Variants in XKR9 observed in about 807,000 individuals in gnomAD.
The protein encoded by XKR9 is XK related 9, also known as XK-related protein 9.
A neutral mutation model predicts 32.0 loss-of-function variants in XKR9; 32 were observed. That is an observed-to-expected ratio of 1.00 (90% CI 0.76 to 1.34). XKR9 has a LOEUF of 1.34. XKR9 is among the 40% of genes most tolerant of loss of function. The pLI, the probability that XKR9 is intolerant of heterozygous loss-of-function variation, is 0.00. For synonymous variants in XKR9, 168 were observed against 143.4 expected (o/e 1.17, Z -1.22); for missense variants, 546 against 429.7 (o/e 1.27, Z -2.39).
the XKR9 span, among the ~76,000 whole-genome samples, chr8:70,809,270 A>G: frequency 6.6e-6 from 1 of 152,244 alleles, no homozygotes; most frequent in Non-Finnish European, 1.5e-5. Context: ...AACAGAAAGG[A>G]CATCCACACC....
chr8:70,748,566 G>C (rs1212561046), intron 2 of XKR9, among the ~76,000 whole-genome samples: 2 of 152,238 alleles, frequency 1.3e-5, no homozygotes, highest in East Asian at 1.9e-4. Context: ...GGTGGGGGCT[G>C]AGGGTGGCTC....
At chr8:71,020,750 A>G in the XKR9 span, among the ~76,000 whole-genome samples, 1 of 152,188 alleles carries the variant, frequency 6.6e-6, no homozygotes. Context: ...TACCATTCCA[A>G]TGTGTTGAGA....
intron 2 of XKR9, among the ~76,000 whole-genome samples, chr8:70,751,996 C>A (rs575440799): frequency 1.3e-5 from 2 of 152,096 alleles, no homozygotes; most frequent in African/African-American, 4.8e-5. Context: ...TGTGGAGAAC[C>A]CTGACTAATA....
the XKR9 span, among the ~76,000 whole-genome samples, chr8:71,062,555 G>A: frequency 6.6e-6 from 1 of 152,106 alleles, no homozygotes; most frequent in Admixed American, 6.5e-5. Flanking sequence ...CAAACATTCA[G>A]TCCCTAGCAC....
At chr8:70,926,902 A>G in the XKR9 span, among the ~76,000 whole-genome samples, 1 of 152,094 alleles carries the variant, frequency 6.6e-6, no homozygotes, top group Non-Finnish European at 1.5e-5. Flanking sequence ...AGTTATATGA[A>G]CTTTCAAGAC....
intron 2 of XKR9, among the ~76,000 whole-genome samples, chr8:70,788,220 A>G (rs1268172947): frequency 6.6e-6 from 1 of 152,038 alleles, no homozygotes; most frequent in African/African-American, 2.4e-5. Context: ...AGTTCTGAGA[A>G]TGGGGTTAGT....
At chr8:71,028,926 C>G in the XKR9 span, among the ~76,000 whole-genome samples, 6 of 77,988 alleles carry the variant, frequency 7.7e-5, 1 homozygote, top group Middle Eastern at 0.018. Flanking sequence ...GAGAGAGAGA[C>G]AGAGAAATTT....
At chr8:71,042,644 G>T in the XKR9 span, among the ~76,000 whole-genome samples, 3 of 151,906 alleles carry the variant, frequency 2.0e-5, no homozygotes, top group African/African-American at 7.3e-5. Flanking sequence ...ACAGAAAAAT[G>T]TTTAGTATAT....
chr8:70,921,637 C>A, the XKR9 span, among the ~76,000 whole-genome samples: 1 of 152,022 alleles, frequency 6.6e-6, no homozygotes. Flanking sequence ...AAGGAAGAAC[C>A]AAAAATTCCT....
At chr8:70,740,429 C>T (rs1304002207), downstream of XKR9, among the ~76,000 whole-genome samples, 35 of 151,412 alleles carry the variant, frequency 2.3e-4, no homozygotes, top group African/African-American at 4.3e-4. Flanking sequence ...TCCTGTAGCT[C>T]GGAGTAGTTT....
chr8:71,030,794 A>G, the XKR9 span, among the ~76,000 whole-genome samples: 1 of 152,188 alleles, frequency 6.6e-6, no homozygotes, highest in African/African-American at 2.4e-5. Context: ...AAACTCATTG[A>G]AACCTCATTA....
the XKR9 span, among the ~76,000 whole-genome samples, chr8:70,815,785 A>G: frequency 6.6e-6 from 1 of 151,972 alleles, no homozygotes; most frequent in Non-Finnish European, 1.5e-5. Flanking sequence ...TCAGCCTCCC[A>G]CAGTGCTGGG....
At chr8:70,888,983 G>C in the XKR9 span, among the ~76,000 whole-genome samples, 1 of 151,786 alleles carries the variant, frequency 6.6e-6, no homozygotes, top group Non-Finnish European at 1.5e-5. Flanking sequence ...CAATTTCTAC[G>C]AATAATGTTA....
chr8:70,898,137 C>T, the XKR9 span, among the ~76,000 whole-genome samples: 4 of 152,070 alleles, frequency 2.6e-5, no homozygotes, highest in Admixed American at 1.3e-4. Flanking sequence ...TATGGATATC[C>T]AGTTTTCCCA....
At chr8:70,845,657 C>T in the XKR9 span, among the ~76,000 whole-genome samples, 1 of 151,942 alleles carries the variant, frequency 6.6e-6, no homozygotes, top group East Asian at 1.9e-4. Context: ...AAAAGTCATT[C>T]AAGAGCTTCA....
chr8:70,709,564 T>C (rs1249797249), intron 4 of XKR9, among the ~76,000 whole-genome samples: 1 of 152,162 alleles, frequency 6.6e-6, no homozygotes, highest in African/African-American at 2.4e-5. Flanking sequence ...CCATGGTCTC[T>C]ACCCAAAGGC....
chr8:70,883,775 A>G, the XKR9 span, among the ~76,000 whole-genome samples: 4 of 152,220 alleles, frequency 2.6e-5, no homozygotes, highest in African/African-American at 9.6e-5. Flanking sequence ...TTGTTTTTCC[A>G]TTCACCTGTT....
intron 4 of XKR9, among the ~76,000 whole-genome samples, chr8:70,723,289 C>T (rs1442553986): frequency 1.3e-5 from 2 of 152,158 alleles, no homozygotes; most frequent in East Asian, 3.9e-4. Context: ...CCTTCTGAAG[C>T]CTACTTCTGT....
chr8:70,703,481 G>A (rs268653), intron 3 of XKR9, among the ~76,000 whole-genome samples: 49,526 of 151,940 alleles, frequency 0.33, 8,606 homozygotes, highest in East Asian at 0.66. Context: ...CTTACATGGT[G>A]GATGGGCAAG....
Sources: allele counts gnomAD v4.1 joint callset (sites outside exome capture counted in the v4.1 genomes callset), GRCh38; gene constraint gnomAD v4.1.1; transcripts MANE v1.5; gene names NCBI Gene and HGNC (gene_info 2026-07-23, HGNC 2026-07-21).